Variants in TAFA1 observed in about 807,000 individuals in gnomAD.
The protein encoded by TAFA1 is chemokine-like protein TAFA-1.
A neutral mutation model predicts 18.5 loss-of-function variants in TAFA1; 4 were observed. That is an observed-to-expected ratio of 0.22 (90% CI 0.11 to 0.49). The LOEUF (loss-of-function observed/expected upper bound fraction) is 0.49. TAFA1 is among the 20% of genes least tolerant of loss of function. The pLI is 0.98. For synonymous variants in TAFA1, 56 were observed against 55.2 expected, an observed-to-expected ratio of 1.01 and a Z score of -0.06; for missense variants, 147 against 169.0, an observed-to-expected ratio of 0.87 and a Z score of 0.72.
intron 2 of TAFA1, among the ~76,000 whole-genome samples, chr3:68,088,015 T>C (rs1005290223): frequency 9.9e-5 from 15 of 152,202 alleles, no homozygotes; most frequent in Admixed American, 1.3e-4. Flanking sequence ...GGTACTACTA[T>C]GATAAATAAA....
chr3:68,172,694 A>G (rs749811866), intron 2 of TAFA1, among the ~76,000 whole-genome samples: 6 of 152,210 alleles, frequency 3.9e-5, no homozygotes, highest in Non-Finnish European at 7.4e-5. Flanking sequence ...TATAAAAAAG[A>G]ATGACATACC....
intron 2 of TAFA1, chr3:68,145,694 G>A: frequency 1.2e-6 from 1 of 829,136 alleles, no homozygotes; most frequent in Admixed American, 1.8e-5. Context: ...ATATAGAAAT[G>A]TAAAGTTTGT....
chr3:68,249,944 G>A (rs530797868), intron 2 of TAFA1, among the ~76,000 whole-genome samples: 12 of 152,240 alleles, frequency 7.9e-5, no homozygotes, highest in South Asian at 2.1e-4. Flanking sequence ...CGAAGGCCAC[G>A]TGTCTAGAAT....
intron 2 of TAFA1, among the ~76,000 whole-genome samples, chr3:68,290,082 C>T (rs1292741899): frequency 6.6e-6 from 1 of 152,128 alleles, no homozygotes; most frequent in Non-Finnish European, 1.5e-5. Context: ...AATAAAGATT[C>T]CCTGGTCAAA....
At chr3:68,135,359 G>T (rs969965353) in intron 2 of TAFA1, among the ~76,000 whole-genome samples, 1 of 152,112 alleles carries the variant, frequency 6.6e-6, no homozygotes, top group Non-Finnish European at 1.5e-5. Context: ...CTTTGACATT[G>T]TCCCAGGACT....
intron 2 of TAFA1, among the ~76,000 whole-genome samples, chr3:68,062,274 A>T (rs886979414): frequency 6.6e-6 from 1 of 152,170 alleles, no homozygotes; most frequent in Non-Finnish European, 1.5e-5. Flanking sequence ...TGAAGCTCCT[A>T]TGCTTTTGTT....
intron 2 of TAFA1, among the ~76,000 whole-genome samples, chr3:68,142,944 T>C (rs141713471): frequency 2.0e-5 from 3 of 151,620 alleles, no homozygotes; most frequent in Non-Finnish European, 2.9e-5. Context: ...AAAATCTTCA[T>C]ATATATAACA....
chr3:68,536,599 C>A (rs765591886), intron 3 of TAFA1, among the ~76,000 whole-genome samples: 2 of 152,116 alleles, frequency 1.3e-5, no homozygotes, highest in African/African-American at 2.4e-5. Flanking sequence ...CAGGGAGGAG[C>A]TACAGAAATG....
At chr3:68,489,752 A>T (rs1056263970) in intron 3 of TAFA1, among the ~76,000 whole-genome samples, 1 of 152,232 alleles carries the variant, frequency 6.6e-6, no homozygotes, top group African/African-American at 2.4e-5. Flanking sequence ...TGCCATATGC[A>T]CATGGTAAAA....
intron 2 of TAFA1, among the ~76,000 whole-genome samples, chr3:68,230,807 A>T (rs1042694342): frequency 2.6e-5 from 4 of 152,194 alleles, no homozygotes; most frequent in Non-Finnish European, 5.9e-5. Context: ...TTTTGATAAA[A>T]GCCAACTTAA....
At chr3:68,390,001 GACAA>G (rs1189019330) in intron 2 of TAFA1, among the ~76,000 whole-genome samples, 4 of 152,100 alleles carry the variant, frequency 2.6e-5, no homozygotes, top group Non-Finnish European at 5.9e-5. Context: ...GAATGCCAGT[GACAA>G]CCGTTCACTC....
intron 2 of TAFA1, among the ~76,000 whole-genome samples, chr3:68,081,074 C>T (rs547071251): frequency 2.6e-5 from 4 of 152,294 alleles, no homozygotes; most frequent in South Asian, 2.1e-4. Context: ...CATCTTCCAT[C>T]ACTGATACCC....
chr3:68,227,629 A>G (rs1187334488), intron 2 of TAFA1, among the ~76,000 whole-genome samples: 1 of 152,234 alleles, frequency 6.6e-6, no homozygotes, highest in African/African-American at 2.4e-5. Context: ...AAATTAAGTG[A>G]AAGACTGAAT....
chr3:68,106,870 A>C (rs1484734020), intron 2 of TAFA1, among the ~76,000 whole-genome samples: 1 of 152,146 alleles, frequency 6.6e-6, no homozygotes, highest in African/African-American at 2.4e-5. Context: ...TTAAAACTGC[A>C]AGATATAACA....
chr3:68,472,480 T>C (rs143656622), intron 3 of TAFA1, among the ~76,000 whole-genome samples: 1 of 151,206 alleles, frequency 6.6e-6, no homozygotes, highest in African/African-American at 2.4e-5. Flanking sequence ...CTTCTACATG[T>C]GACAAAGTTG....
intron 2 of TAFA1, among the ~76,000 whole-genome samples, chr3:68,345,512 C>T (rs1441434751): frequency 2.0e-5 from 3 of 152,106 alleles, no homozygotes; most frequent in East Asian, 1.9e-4. Context: ...TAACAGCACT[C>T]AGGGTGTAAG....
intron 2 of TAFA1, among the ~76,000 whole-genome samples, chr3:68,374,399 A>G (rs1440011228): frequency 2.6e-5 from 4 of 152,182 alleles, no homozygotes; most frequent in Non-Finnish European, 5.9e-5. Flanking sequence ...GTGAGTTCTG[A>G]GCAAGTTAAC....
intron 3 of TAFA1, among the ~76,000 whole-genome samples, chr3:68,525,060 G>A (rs185688610): frequency 1.3e-4 from 20 of 152,266 alleles, no homozygotes; most frequent in African/African-American, 3.4e-4. Flanking sequence ...AGTCAAAAGC[G>A]TAGGGGATGT....
chr3:68,131,210 C>T (rs777804612), intron 2 of TAFA1, among the ~76,000 whole-genome samples: 21 of 152,078 alleles, frequency 1.4e-4, no homozygotes, highest in South Asian at 2.1e-4. Context: ...CTATTTTTTG[C>T]ACTTATCAGT....
Sources: allele counts gnomAD v4.1 joint callset (sites outside exome capture counted in the v4.1 genomes callset), GRCh38; gene constraint gnomAD v4.1.1; transcripts MANE v1.5; gene names NCBI Gene and HGNC (gene_info 2026-07-23, HGNC 2026-07-21).